GPR39: variants seen among roughly 807,000 people sequenced by gnomAD.
The protein encoded by GPR39 is G protein-coupled receptor 39.
Under a neutral mutation model 18.4 loss-of-function variants are expected in GPR39, and 23 were observed. That is an observed-to-expected ratio of 1.25 (90% CI 0.90 to 1.77). The LOEUF (loss-of-function observed/expected upper bound fraction) is 1.77, where lower values mean the gene tolerates loss of function less well. GPR39 is among the 40% of genes most tolerant of loss of function. GPR39 has a pLI of 0.00. For synonymous variants in GPR39, 280 were observed against 257.9 expected, an observed-to-expected ratio of 1.09 and a Z score of -0.82; for missense variants, 647 against 602.4, an observed-to-expected ratio of 1.07 and a Z score of -0.78.
intron 1 of GPR39, among the ~76,000 whole-genome samples, chr2:132,552,863 CAT>C (rs1169279011): frequency 3.0e-5 from 4 of 134,914 alleles, no homozygotes; most frequent in Admixed American, 7.5e-5. Context: ...TATATATATA[CAT>C]ATATATACAC....
At chr2:132,445,923 C>T (rs1459503994) in intron 1 of GPR39, among the ~76,000 whole-genome samples, 1 of 152,096 alleles carries the variant, frequency 6.6e-6, no homozygotes, top group Non-Finnish European at 1.5e-5. Flanking sequence ...TGGCATAGCC[C>T]ACTATCATGG....
At chr2:132,529,897 T>C (rs1056217064) in intron 1 of GPR39, among the ~76,000 whole-genome samples, 5 of 151,782 alleles carry the variant, frequency 3.3e-5, no homozygotes, top group African/African-American at 1.2e-4. Context: ...ACCACAAAGA[T>C]GGGGAAAAAA....
intron 1 of GPR39, among the ~76,000 whole-genome samples, chr2:132,428,365 T>C (rs978235640): frequency 2.6e-5 from 4 of 152,206 alleles, no homozygotes; most frequent in Admixed American, 6.5e-5. Context: ...ACTTGTCTCA[T>C]TGGGACATCA....
intron 1 of GPR39, among the ~76,000 whole-genome samples, chr2:132,522,013 T>G (rs1244381656): frequency 1.3e-5 from 2 of 152,204 alleles, no homozygotes; most frequent in African/African-American, 4.8e-5. Flanking sequence ...CTTCCCTTTG[T>G]GCTAAATCAA....
At chr2:132,429,315 A>G (rs1680183960) in intron 1 of GPR39, among the ~76,000 whole-genome samples, 1 of 152,128 alleles carries the variant, frequency 6.6e-6, no homozygotes, top group African/African-American at 2.4e-5. Flanking sequence ...TCAGTGGGGG[A>G]ACTTGTTTTG....
At chr2:132,479,790 T>G (rs768314567) in intron 1 of GPR39, among the ~76,000 whole-genome samples, 7 of 152,146 alleles carry the variant, frequency 4.6e-5, no homozygotes, top group Non-Finnish European at 7.4e-5. Context: ...GAAAACAGTA[T>G]GGAGATTCTT....
At chr2:132,509,217 A>T (rs1425682928) in intron 1 of GPR39, among the ~76,000 whole-genome samples, 1 of 152,248 alleles carries the variant, frequency 6.6e-6, no homozygotes, top group Admixed American at 6.5e-5. Flanking sequence ...GGGAGTGGAT[A>T]GTAACCAGCT....
chr2:132,567,530 C>G (rs1680372327), intron 1 of GPR39, among the ~76,000 whole-genome samples: 1 of 152,144 alleles, frequency 6.6e-6, no homozygotes, highest in Admixed American at 6.5e-5. Flanking sequence ...TCTGCAGGGT[C>G]CCCACCAGCA....
At chr2:132,529,108 CAAAG>C (rs1051373906) in intron 1 of GPR39, among the ~76,000 whole-genome samples, 1 of 152,118 alleles carries the variant, frequency 6.6e-6, no homozygotes, top group Non-Finnish European at 1.5e-5. Context: ...CTTTCCTAGT[CAAAG>C]AAAGGGGTGA....
intron 1 of GPR39, among the ~76,000 whole-genome samples, chr2:132,431,037 C>T (rs1680216995): frequency 1.3e-5 from 2 of 152,138 alleles, no homozygotes. Flanking sequence ...AGCAGAGCCT[C>T]CTGCTTCTGA....
intron 1 of GPR39, among the ~76,000 whole-genome samples, chr2:132,452,320 C>A (rs965026794): frequency 6.6e-6 from 1 of 152,108 alleles, no homozygotes; most frequent in Non-Finnish European, 1.5e-5. Context: ...TCTTTTATTT[C>A]TGGAAAATGT....
chr2:132,628,655 G>T (rs1681595098), intron 1 of GPR39, among the ~76,000 whole-genome samples: 1 of 152,030 alleles, frequency 6.6e-6, no homozygotes. Context: ...CATTACCCTA[G>T]AAAACCATTT....
chr2:132,434,404 A>T (rs1490310945), intron 1 of GPR39, among the ~76,000 whole-genome samples: 4 of 152,182 alleles, frequency 2.6e-5, no homozygotes, highest in African/African-American at 9.7e-5. Flanking sequence ...GGTTATGTTG[A>T]TGCTTTGTCC....
chr2:132,557,789 T>G (rs1325556929), intron 1 of GPR39, among the ~76,000 whole-genome samples: 1 of 152,198 alleles, frequency 6.6e-6, no homozygotes, highest in East Asian at 1.9e-4. Context: ...ATATAGTATC[T>G]TGTGAAAACA....
chr2:132,473,655 A>G (rs1681072937), intron 1 of GPR39, among the ~76,000 whole-genome samples: 1 of 152,202 alleles, frequency 6.6e-6, no homozygotes, highest in Non-Finnish European at 1.5e-5. Flanking sequence ...CTAACTTATC[A>G]GTTAGCATTG....
chr2:132,549,350 A>G (rs557350712), intron 1 of GPR39, among the ~76,000 whole-genome samples: 2 of 152,328 alleles, frequency 1.3e-5, no homozygotes, highest in South Asian at 4.1e-4. Context: ...AAGGCTGTGC[A>G]TTGGTCTTCC....
At chr2:132,628,236 T>C (rs2094456925) in intron 1 of GPR39, among the ~76,000 whole-genome samples, 2 of 152,204 alleles carry the variant, frequency 1.3e-5, no homozygotes, top group South Asian at 4.1e-4. Context: ...GCCCCACTGG[T>C]GCCCTGAGGC....
At chr2:132,623,854 T>C (rs887331343) in intron 1 of GPR39, among the ~76,000 whole-genome samples, 12 of 152,088 alleles carry the variant, frequency 7.9e-5, no homozygotes, top group Non-Finnish European at 2.9e-5. Flanking sequence ...CCAAGGAAGA[T>C]TTTGGAATGA....
At chr2:132,571,931 G>A (rs1392569105) in intron 1 of GPR39, among the ~76,000 whole-genome samples, 1 of 152,202 alleles carries the variant, frequency 6.6e-6, no homozygotes, top group Non-Finnish European at 1.5e-5. Flanking sequence ...ATGGCTTCCA[G>A]CTGAGTCTTG....
Sources: allele counts gnomAD v4.1 joint callset (sites outside exome capture counted in the v4.1 genomes callset), GRCh38; gene constraint gnomAD v4.1.1; transcripts MANE v1.5; gene names NCBI Gene and HGNC (gene_info 2026-07-23, HGNC 2026-07-21).